Variants in XAF1 observed in about 807,000 individuals in gnomAD.
The protein encoded by XAF1 is XIAP-associated factor 1.
In XAF1, 32 loss-of-function variants were observed where a neutral mutation model predicts 32.3. That is an observed-to-expected ratio of 0.99 (90% CI 0.75 to 1.33). The LOEUF (loss-of-function observed/expected upper bound fraction) is 1.33. XAF1 is among the 40% of genes most tolerant of loss of function. XAF1 has a pLI of 0.00. For missense variants in XAF1, 379 were observed against 366.0 expected (o/e 1.04, Z -0.29); for synonymous variants, 120 against 125.9 (o/e 0.95, Z 0.31).
intron 5 of XAF1, among the ~76,000 whole-genome samples, chr17:6,764,169 G>C (rs971339924): frequency 1.3e-5 from 2 of 152,144 alleles, no homozygotes; most frequent in African/African-American, 4.8e-5. Context: ...TTCTTTTGAG[G>C]AAAATGGGGA....
intron 3 of XAF1, 110 bp downstream of exon 3, chr17:6,759,828 T>G (rs749616949): frequency 6.3e-7 from 1 of 1,577,802 alleles, no homozygotes; most frequent in South Asian, 1.1e-5. Context: ...GACCACTCTT[T>G]TCACCCCATT....
In XAF1 at chr17:6,763,461, G is replaced by A. The variant is rs1011657528; in HGVS notation, c.507+1221G>A. Among the ~76,000 whole-genome samples, 9 of 152,092 alleles carry A rather than the reference G, an allele frequency of 5.9e-5. No homozygotes were observed. The South Asian group carries it at 1.9e-3, about 32-fold the overall frequency. On this transcript the variant is annotated intron_variant, in intron 5 of 6. Coordinates refer to ENST00000361842, the MANE Select transcript of XAF1 (RefSeq NM_017523.5). ...TCCTGCCTCAGCCTCCGGAGTAGCT[G>A]GGGCTACAGGTGCCTGCCACCACGC...
Position 6,773,553 on chromosome 17 carries a change from A to G in XAF1, c.*384A>G, listed in dbSNP as rs1171282002. On this transcript the variant is annotated 3_prime_UTR_variant, in exon 7 of 7. Transcript: ENST00000361842. ...CAACATAGTACTGGAAGTCCTCGCC[A>G]CAGCAATCAGGCAAGAGAAAGAAAT... 6.3e-6 allele frequency: 1 copy of G among 158,970 alleles called. No homozygotes were observed. Among genetic ancestry groups the G allele is most frequent in the African/African-American group, 2.4e-5 (1 of 41,704 alleles). 9.8% of individuals were successfully genotyped at this position (158,970 alleles called of 1,614,324 possible).
At chr17:6,762,662 G>T (rs1273178516) in intron 5 of XAF1, among the ~76,000 whole-genome samples, 1 of 152,218 alleles carries the variant, frequency 6.6e-6, no homozygotes, top group African/African-American at 2.4e-5. Flanking sequence ...GGTGCAAAAA[G>T]AGGACTCTGT....
At chr17:6,760,173 C>T (rs1291062117) in intron 3 of XAF1, among the ~76,000 whole-genome samples, 1 of 152,136 alleles carries the variant, frequency 6.6e-6, no homozygotes, top group East Asian at 1.9e-4. Context: ...CATGGTGAAA[C>T]CCCGTCTCTA....
chr17:6,770,533 C>T (rs1975939920), intron 5 of XAF1, 110 bp from the exon 6 acceptor site: 3 of 883,882 alleles, frequency 3.4e-6, no homozygotes, highest in South Asian at 2.1e-5. Flanking sequence ...TTTTATACAC[C>T]ATATAAAAGT....
At chr17:6,772,606 G>T (rs976213710) in intron 6 of XAF1, among the ~76,000 whole-genome samples, 1 of 151,582 alleles carries the variant, frequency 6.6e-6, no homozygotes, top group South Asian at 2.1e-4. Flanking sequence ...GAGTAGCTGG[G>T]AGTACAGGCA....
chr17:6,758,001 A>C (rs1222991607), intron 1 of XAF1, 88 bp from the exon 2 acceptor site: 8 of 1,571,728 alleles, frequency 5.1e-6, no homozygotes, highest in Non-Finnish European at 7.0e-6. Context: ...AGGCCTCTGG[A>C]GATCTAGCCC....
At chr17:6,760,862 G>A (rs368928203) in intron 4 of XAF1, among the ~76,000 whole-genome samples, 7 of 152,144 alleles carry the variant, frequency 4.6e-5, no homozygotes, top group African/African-American at 1.7e-4. Context: ...GAGTAAAGAG[G>A]CCATGGAGAA....
At chr17:6,766,086 C>T (rs770814376) in intron 5 of XAF1, among the ~76,000 whole-genome samples, 12 of 152,106 alleles carry the variant, frequency 7.9e-5, no homozygotes, top group Non-Finnish European at 1.2e-4. Flanking sequence ...CCTCACCTTC[C>T]CCACCCTACT....
At position 6,770,592 on chromosome 17, in the gene XAF1, C is replaced by A. The variant is rs558530324; in HGVS notation, c.508-51C>A. On this transcript the variant is annotated intron_variant, in intron 5 of 6. Transcript: ENST00000361842. ...TTATCTAGTCTACTGTATTTTCTGA[C>A]CATTAAAGCTGAAGTCATTTTAAAA... The A allele has an allele frequency of 5.7e-5, 81 of 1,431,966 alleles. No individual in the cohort carries two copies. In the South Asian group the frequency reaches 1.0e-3, roughly 18 times the overall value. 88.7% of individuals were successfully genotyped at this position (1,431,966 alleles called of 1,614,324 possible). A position where few individuals can be genotyped will look rare whatever the true frequency, so the allele number is the denominator to read the frequency against.
At chr17:6,756,905 G>A (rs28736274) in intron 1 of XAF1, among the ~76,000 whole-genome samples, 8,212 of 152,164 alleles carry the variant, frequency 0.054, 616 homozygotes, top group African/African-American at 0.17. Flanking sequence ...GGGCCTTTAC[G>A]GCTACAGCCA....
At position 6,773,866 on chromosome 17, in the gene XAF1, CA is replaced by C. The variant is rs1289605627; in HGVS notation, c.*702del. The C allele has an allele frequency of 1.3e-5, 2 of 151,998 alleles. No individual in the cohort carries two copies. The highest frequency in any genetic ancestry group is 4.8e-5 in the African/African-American group (2 of 41,378). 9.4% of individuals were successfully genotyped at this position (151,998 alleles called of 1,614,324 possible). A position where few individuals can be genotyped will look rare whatever the true frequency, so the allele number is the denominator to read the frequency against. Reference sequence around the variant, plus strand: ...CCAGGGAGATGAAAGATCTCTACAACAAAAATTACAAAACACTGCTGAAAGA... The same window carrying C: ...CCAGGGAGATGAAAGATCTCTACAACAAAATTACAAAACACTGCTGAAAGA... On this transcript the variant is annotated 3_prime_UTR_variant, in exon 7 of 7. Coordinates refer to ENST00000361842, the MANE Select transcript of XAF1 (RefSeq NM_017523.5).
At chr17:6,771,165 A>G in intron 6 of XAF1, 181 bp downstream of exon 6, 1 of 587,982 alleles carries the variant, frequency 1.7e-6, no homozygotes, top group Non-Finnish European at 2.9e-6. Context: ...GTTTATTTGC[A>G]TCACCTCCGA....
rs147667185 is a variant in XAF1, at chr17:6,760,494, G to T, written c.314G>T (p.Cys105Phe). 16 of 1,613,234 alleles carry T rather than the reference G, an allele frequency of 9.9e-6. No individual in the cohort carries two copies. The African/African-American group carries it at 2.1e-4, about 22-fold the overall frequency. ...LSKLELHESY[C>F]GSRTELCQGC... Reference sequence around the variant, plus strand: ...AAGCTGGAGCTCCACGAGTCCTACTGTGGCAGCCGGACAGAGCTCTGCCAA... The same window carrying T: ...AAGCTGGAGCTCCACGAGTCCTACTTTGGCAGCCGGACAGAGCTCTGCCAA... Residue 105 changes from cysteine (C) to phenylalanine (F), a missense_variant, in exon 4 of 7, where the codon TGT (cysteine) becomes TTT (phenylalanine). Coordinates refer to ENST00000361842, the MANE Select transcript of XAF1 (RefSeq NM_017523.5).
intron 2 of XAF1, 156 bp downstream of exon 2, chr17:6,758,380 C>T: frequency 1.8e-6 from 2 of 1,124,234 alleles, no homozygotes; most frequent in South Asian, 3.0e-5. Context: ...TCAGTCCTCT[C>T]TGCAGGAGAG....
At position 6,761,699 on chromosome 17, in the gene XAF1, C is replaced by CAGTCTTCAA. The variant is rs371147975; in HGVS notation, c.422-455_422-447dup. ...GGCTGGACGTCAACAGAATCAAACA[C>CAGTCTTCAA]AGTCTTCAACACAACTTCAGTGCAA... On this transcript the variant is annotated intron_variant, in intron 4 of 6. Coordinates refer to ENST00000361842, the MANE Select transcript of XAF1 (RefSeq NM_017523.5). The CAGTCTTCAA allele has an allele frequency of 2.3e-3, 1,200 of 517,386 alleles. 13 individuals are homozygous for CAGTCTTCAA. Among genetic ancestry groups the CAGTCTTCAA allele is most frequent in the African/African-American group, 0.023 (1,125 of 49,870 alleles). The allele number at this position is 517,386 out of a possible 1,614,324, so 32.0% of individuals were successfully genotyped here. A position where few individuals can be genotyped will look rare whatever the true frequency, so the allele number is the denominator to read the frequency against.
intron 6 of XAF1, 106 bp downstream of exon 6, chr17:6,771,090 C>T (rs745554595): frequency 7.7e-7 from 1 of 1,290,824 alleles, no homozygotes; most frequent in Non-Finnish European, 1.1e-6. Flanking sequence ...GCTGAAAAGG[C>T]CGTTTTCTCT....
At chr17:6,772,994 C>T in intron 6 of XAF1, 119 bp from the exon 7 acceptor site, 1 of 867,736 alleles carries the variant, frequency 1.2e-6, no homozygotes, top group South Asian at 1.7e-5. Flanking sequence ...TGCCATTACA[C>T]TCCAGTCTTT....
Sources: allele counts gnomAD v4.1 joint callset (sites outside exome capture counted in the v4.1 genomes callset), GRCh38; gene constraint gnomAD v4.1.1; transcripts MANE v1.5; gene names NCBI Gene and HGNC (gene_info 2026-07-23, HGNC 2026-07-21).